The following SAMD12 variants were observed in gnomAD, a reference collection of about 807,000 sequenced individuals.
SAMD12 encodes sterile alpha motif domain containing 12.
In SAMD12, 9 loss-of-function variants were observed where a neutral mutation model predicts 15.0. That is an observed-to-expected ratio of 0.60 (90% CI 0.36 to 1.05). SAMD12 has a LOEUF of 1.05. Ranked by LOEUF, SAMD12 falls within the 50% of genes least tolerant of loss-of-function variation. The probability of loss-of-function intolerance (pLI) is 0.01; values close to 1 mark genes in which losing one functional copy is unlikely to be tolerated. For missense variants in SAMD12, 230 were observed against 234.2 expected (o/e 0.98, Z 0.12); for synonymous variants, 86 against 90.1 (o/e 0.96, Z 0.25).
intron 2 of SAMD12, among the ~76,000 whole-genome samples, chr8:118,561,194 A>G (rs1204889541): frequency 6.6e-6 from 1 of 152,210 alleles, no homozygotes; most frequent in Admixed American, 6.5e-5. Flanking sequence ...ATGATTTAAT[A>G]ATGCTGTTTT....
At chr8:118,536,309 C>T (rs910440135) in intron 2 of SAMD12, among the ~76,000 whole-genome samples, 1 of 152,084 alleles carries the variant, frequency 6.6e-6, no homozygotes, top group African/African-American at 2.4e-5. Flanking sequence ...GCCTTTCTCC[C>T]TACCTGTAGA....
chr8:118,457,427 C>T (rs1252707563), intron 2 of SAMD12, among the ~76,000 whole-genome samples: 1 of 151,462 alleles, frequency 6.6e-6, no homozygotes, highest in African/African-American at 2.4e-5. Flanking sequence ...GACAGGGTCT[C>T]ACTATGTTGC....
intron 3 of SAMD12, among the ~76,000 whole-genome samples, chr8:118,427,518 A>G (rs772696779): frequency 2.8e-4 from 42 of 152,170 alleles, no homozygotes; most frequent in Non-Finnish European, 4.7e-4. Context: ...TTAATCTTGC[A>G]AGTTCTAGAA....
At chr8:118,181,578 G>A in the SAMD12 span, among the ~76,000 whole-genome samples, 2 of 152,154 alleles carry the variant, frequency 1.3e-5, no homozygotes, top group African/African-American at 4.8e-5. Context: ...ATGAGAGAGG[G>A]TCTCTTTCTG....
At chr8:118,489,086 T>A (rs1168532369) in intron 2 of SAMD12, among the ~76,000 whole-genome samples, 1 of 152,180 alleles carries the variant, frequency 6.6e-6, no homozygotes, top group Non-Finnish European at 1.5e-5. Context: ...TGTTTTTAAT[T>A]TGCTTTTCTG....
intron 4 of SAMD12, among the ~76,000 whole-genome samples, chr8:118,356,768 A>G (rs1054854624): frequency 6.6e-6 from 1 of 151,990 alleles, no homozygotes; most frequent in Non-Finnish European, 1.5e-5. Context: ...GACCTCTCTC[A>G]TTTCCAGGAC....
intron 1 of SAMD12, among the ~76,000 whole-genome samples, chr8:118,584,738 A>G (rs985447125): frequency 2.6e-5 from 4 of 152,214 alleles, no homozygotes; most frequent in Non-Finnish European, 4.4e-5. Flanking sequence ...TTGTTTTGAA[A>G]TGCCCTTTTG....
intron 4 of SAMD12, among the ~76,000 whole-genome samples, chr8:118,244,966 T>G (rs1005736948): frequency 1.3e-5 from 2 of 152,084 alleles, no homozygotes; most frequent in South Asian, 4.1e-4. Context: ...CTCAATAGGG[T>G]TTATTTTTGG....
intron 3 of SAMD12, among the ~76,000 whole-genome samples, chr8:118,391,050 T>C (rs1820248179): frequency 6.6e-6 from 1 of 152,132 alleles, no homozygotes; most frequent in South Asian, 2.1e-4. Context: ...CGAGAAGGAA[T>C]ACACAGCTCA....
chr8:118,416,381 C>G (rs1414722058), intron 3 of SAMD12, among the ~76,000 whole-genome samples: 1 of 152,110 alleles, frequency 6.6e-6, no homozygotes, highest in African/African-American at 2.4e-5. Flanking sequence ...GCATATGACC[C>G]AAATTCTGGC....
At chr8:118,565,951 C>A (rs1354990526) in intron 2 of SAMD12, among the ~76,000 whole-genome samples, 3 of 152,204 alleles carry the variant, frequency 2.0e-5, no homozygotes, top group Non-Finnish European at 4.4e-5. Flanking sequence ...GCTCAAGACA[C>A]CATCATCTCT....
At chr8:118,235,877 G>C (rs1812418236) in intron 4 of SAMD12, among the ~76,000 whole-genome samples, 1 of 152,116 alleles carries the variant, frequency 6.6e-6, no homozygotes, top group South Asian at 2.1e-4. Context: ...TTAATGCTCT[G>C]CAAAAAGAAC....
chr8:118,455,749 C>A (rs961609714), intron 2 of SAMD12, among the ~76,000 whole-genome samples: 2 of 152,202 alleles, frequency 1.3e-5, no homozygotes, highest in Non-Finnish European at 2.9e-5. Flanking sequence ...GCTCTCCCAC[C>A]AGTTTCTACA....
At chr8:118,543,007 G>T (rs1263223713) in intron 2 of SAMD12, among the ~76,000 whole-genome samples, 4 of 151,788 alleles carry the variant, frequency 2.6e-5, no homozygotes, top group African/African-American at 9.7e-5. Context: ...AGAAAATAAG[G>T]AAGGAAAAAG....
downstream of SAMD12, among the ~76,000 whole-genome samples, chr8:118,185,477 C>A (rs1200610820): frequency 6.6e-6 from 1 of 152,150 alleles, no homozygotes; most frequent in African/African-American, 2.4e-5. Context: ...TAAGTGAGAA[C>A]ATATGATATT....
At chr8:118,393,029 A>C (rs2130760849) in intron 3 of SAMD12, among the ~76,000 whole-genome samples, 1 of 152,320 alleles carries the variant, frequency 6.6e-6, no homozygotes, top group Non-Finnish European at 1.5e-5. Flanking sequence ...GTTGCTGAGG[A>C]GGCAAAACAA....
At chr8:118,597,282 T>A (rs1363461449) in intron 1 of SAMD12, among the ~76,000 whole-genome samples, 1 of 152,192 alleles carries the variant, frequency 6.6e-6, no homozygotes, top group Non-Finnish European at 1.5e-5. Context: ...CAGGGCCCCA[T>A]CAGACCATTG....
At chr8:118,519,508 T>C (rs1367190375) in intron 2 of SAMD12, among the ~76,000 whole-genome samples, 2 of 152,222 alleles carry the variant, frequency 1.3e-5, no homozygotes, top group Non-Finnish European at 2.9e-5. Flanking sequence ...TTCTAATGAA[T>C]GTAGTACAAT....
At chr8:118,400,117 T>C (rs1820796455) in intron 3 of SAMD12, among the ~76,000 whole-genome samples, 1 of 152,248 alleles carries the variant, frequency 6.6e-6, no homozygotes. Context: ...AATACCTATG[T>C]ATGTATACAC....
Sources: allele counts gnomAD v4.1 joint callset (sites outside exome capture counted in the v4.1 genomes callset), GRCh38; gene constraint gnomAD v4.1.1; transcripts MANE v1.5; gene names NCBI Gene and HGNC (gene_info 2026-07-23, HGNC 2026-07-21).